SACM1L: variants seen among roughly 807,000 people sequenced by gnomAD.
The protein encoded by SACM1L is SAC1 like phosphatidylinositide phosphatase, also known as phosphatidylinositol-3-phosphatase SAC1.
Under a neutral mutation model 89.5 loss-of-function variants are expected in SACM1L, and 32 were observed. The observed-to-expected ratio is 0.36, with a 90% CI of 0.27 to 0.48. The LOEUF is 0.48. Among genes scored for constraint, SACM1L ranks in the 20% least tolerant of loss-of-function variants. The probability of loss-of-function intolerance (pLI) is 0.99; values close to 1 mark genes in which losing one functional copy is unlikely to be tolerated. For synonymous variants in SACM1L, 213 were observed against 232.8 expected, an observed-to-expected ratio of 0.92 and a Z score of 0.77; for missense variants, 543 against 708.5, an observed-to-expected ratio of 0.77 and a Z score of 2.65.
intron 7 of SACM1L, among the ~76,000 whole-genome samples, chr3:45,714,436 A>C (rs2125692821): frequency 6.6e-6 from 1 of 152,310 alleles, no homozygotes; most frequent in East Asian, 1.9e-4. Flanking sequence ...CATAATTTAA[A>C]AAGTTAGACT....
chr3:45,735,834 A>G (rs1003761951), intron 14 of SACM1L, among the ~76,000 whole-genome samples: 2 of 152,182 alleles, frequency 1.3e-5, no homozygotes, highest in East Asian at 1.9e-4. Context: ...AATCCATTTC[A>G]TTGAACTCTT....
At chr3:45,705,095 T>G (rs1447322606) in intron 2 of SACM1L, 40 bp from the exon 3 acceptor site, 4 of 1,368,250 alleles carry the variant, frequency 2.9e-6, no homozygotes, top group Non-Finnish European at 3.1e-6. Context: ...GTTGGTGAGC[T>G]TTTTGTATGT....
chr3:45,718,214 C>T (rs1236251936), intron 7 of SACM1L, among the ~76,000 whole-genome samples: 1 of 151,530 alleles, frequency 6.6e-6, no homozygotes, highest in Non-Finnish European at 1.5e-5. Context: ...ACAGCCATAG[C>T]AGCAGCAAAT....
In SACM1L at chr3:45,722,015, G is replaced by T; in HGVS notation, c.695G>T (p.Gly232Val). 1 of 1,610,976 alleles carries T rather than the reference G, an allele frequency of 6.2e-7. No homozygotes were observed. ...TTCTATTTAGGAATTGATTCGGAAG[G>T]CCATGCAGCTAACTTTGTAGAAACA... The part of the protein sequence containing the change: ...RYYVRGIDSE[G>V]HAANFVETEQ... Residue 232 changes from glycine to valine, a missense_variant, in exon 9 of 20, where the codon GGC (glycine) becomes GTC (valine). By Grantham distance (109) the Gly-to-Val change is moderately radical. Transcript: ENST00000389061.
chr3:45,706,694 C>A, intron 3 of SACM1L, 86 bp from the exon 4 acceptor site: 1 of 1,177,690 alleles, frequency 8.5e-7, no homozygotes, highest in Non-Finnish European at 1.2e-6. Context: ...TTCTACTAGC[C>A]TTTAAAGTTA....
At chr3:45,697,794 G>A (rs1480924138) in intron 1 of SACM1L, among the ~76,000 whole-genome samples, 3 of 152,156 alleles carry the variant, frequency 2.0e-5, no homozygotes, top group Non-Finnish European at 4.4e-5. Context: ...TTCAGTTAGA[G>A]TTAATAGTGA....
intron 7 of SACM1L, among the ~76,000 whole-genome samples, chr3:45,716,156 T>C (rs540587291): frequency 1.1e-4 from 17 of 152,208 alleles, no homozygotes; most frequent in Non-Finnish European, 2.1e-4. Flanking sequence ...TTATAAGCCA[T>C]GGGAAGAACT....
chr3:45,725,631 C>A (rs1396016318), intron 11 of SACM1L, among the ~76,000 whole-genome samples: 1 of 149,968 alleles, frequency 6.7e-6, no homozygotes, highest in South Asian at 2.1e-4. Context: ...TATATAAGAT[C>A]GTGTCACCTG....
chr3:45,702,556 G>A (rs1325668320), intron 1 of SACM1L, among the ~76,000 whole-genome samples: 1 of 152,182 alleles, frequency 6.6e-6, no homozygotes, highest in African/African-American at 2.4e-5. Flanking sequence ...CCTTAAAACA[G>A]CAGTCTCCAT....
Position 45,703,473 on chromosome 3 carries a change from G to C in SACM1L, c.68G>C (p.Cys23Ser). The C allele has an allele frequency of 6.2e-7, 1 of 1,613,212 alleles. No homozygotes were observed. The highest frequency in any genetic ancestry group is 8.5e-7 in the Non-Finnish European group (1 of 1,179,336). The change falls in exon 2 of 20, where the codon TGT becomes TCT. Residue 23 changes from cysteine (C) to serine (S), a missense_variant. Cys to Ser is a moderately radical substitution (Grantham distance 112). This residue lies in a region of SACM1L where 173 missense variants were observed against 180.9 expected (regional missense o/e 0.96). Transcript: ENST00000389061. ...ITPEKFYVEA[C>S]DDGADDVLTI... ...CCTGAAAAATTTTATGTGGAAGCTT[G>C]TGATGATGGAGCAGATGACGTACTT...
chr3:45,721,276 CTT>C (rs770361273), intron 8 of SACM1L, among the ~76,000 whole-genome samples: 1 of 152,230 alleles, frequency 6.6e-6, no homozygotes, highest in Non-Finnish European at 1.5e-5. Flanking sequence ...AATCCCAGCA[CTT>C]TGGGAGGCCG....
In SACM1L at chr3:45,731,832, C is replaced by A. The variant is rs564570395; in HGVS notation, c.1002-221C>A. Among the ~76,000 whole-genome samples, 3 of 152,184 alleles carry A rather than the reference C, an allele frequency of 2.0e-5. 1 individual carries two copies. The South Asian group carries it at 6.2e-4, about 32-fold the overall frequency. On this transcript the variant is annotated intron_variant, in intron 12 of 19. Transcript: ENST00000389061. ...TTTTCATGTTTATATCTGCACATATCATATATATATTTTTTCCTCTGCTAG... is the reference window on the plus strand; with the variant it reads ...TTTTCATGTTTATATCTGCACATATAATATATATATTTTTTCCTCTGCTAG...
Position 45,722,911 on chromosome 3 carries a change from C to T in SACM1L, c.808C>T (p.Leu270Phe). The T allele has an allele frequency of 1.2e-6, 2 of 1,613,818 alleles. No homozygotes were observed. The highest frequency in any genetic ancestry group is 1.7e-6 in the Non-Finnish European group (2 of 1,179,826). ...IPVFWSQRPN[L>F]KYKPLPQISK... ...TGTTTTCTGGTCCCAAAGACCAAAC[C>T]TCAAGTACAAACCACTGCCACAGAT... Residue 270 changes from leucine to phenylalanine, a missense_variant, in exon 10 of 20, where the codon CTC (leucine) becomes TTC (phenylalanine). Leu to Phe is a conservative substitution (Grantham distance 22, BLOSUM62 0). Transcript: ENST00000389061.
In SACM1L at chr3:45,732,068, C is replaced by T. The variant is rs1322056734; in HGVS notation, c.1017C>T (p.Asp339=). Residue 339 remains aspartate, a synonymous_variant, in exon 13 of 20, where the codon GAC becomes GAT. Coordinates refer to ENST00000389061, the MANE Select transcript of SACM1L (RefSeq NM_014016.5). ...GSGMMRYIAF[D]FHKECKNMRW... is the part of the protein sequence containing the mutation. ...CTTTTGGTAGATACATTGCCTTTGACTTCCATAAGGAATGTAAAAATATGA... is the reference window on the plus strand; with the variant it reads ...CTTTTGGTAGATACATTGCCTTTGATTTCCATAAGGAATGTAAAAATATGA... The T allele has an allele frequency of 6.3e-7, 1 of 1,588,694 alleles. No homozygotes were observed. The highest frequency in any genetic ancestry group is 2.3e-5 in the East Asian group (1 of 44,186).
rs1191158495 is a variant in SACM1L, at chr3:45,738,617, C to G, written c.1422C>G (p.Gly474=). ...KRTHLGLIMD[G]WNSMIRYYKN... ...CTCATTTGGGACTTATAATGGATGGCTGGAACTCAATGATACGATATTATA... is the reference window on the plus strand; with the variant it reads ...CTCATTTGGGACTTATAATGGATGGGTGGAACTCAATGATACGATATTATA... The change falls in exon 17 of 20, where the codon GGC becomes GGG. Residue 474 remains glycine, a synonymous_variant. Coordinates refer to ENST00000389061, the MANE Select transcript of SACM1L (RefSeq NM_014016.5). 1 of 1,613,066 alleles carries G rather than the reference C, an allele frequency of 6.2e-7. No homozygotes were observed. Among genetic ancestry groups the G allele is most frequent in the Admixed American group, 1.7e-5 (1 of 60,018 alleles).
chr3:45,714,230 C>G (rs1348787441), intron 7 of SACM1L, 151 bp downstream of exon 7: 1 of 290,030 alleles, frequency 3.4e-6, no homozygotes, highest in Admixed American at 9.0e-5. Flanking sequence ...AAACTCATTG[C>G]TATTTTGTTT....
chr3:45,692,320 T>G (rs1414849929), intron 1 of SACM1L, among the ~76,000 whole-genome samples: 3 of 150,562 alleles, frequency 2.0e-5, no homozygotes, highest in African/African-American at 7.3e-5. Context: ...AAGAGAGTTT[T>G]TTTTTTTTTT....
chr3:45,703,485 C>T lies in SACM1L; in HGVS notation c.80C>T (p.Ala27Val), dbSNP rs1473795714. The T allele has an allele frequency of 6.2e-7, 1 of 1,613,220 alleles. No individual in the cohort carries two copies. The highest frequency in any genetic ancestry group is 1.7e-5 in the Admixed American group (1 of 59,996). ...TATGTGGAAGCTTGTGATGATGGAGCAGATGACGTACTTACCATTGACCGT... is the reference window on the plus strand; with the variant it reads ...TATGTGGAAGCTTGTGATGATGGAGTAGATGACGTACTTACCATTGACCGT... ...KFYVEACDDG[A>V]DDVLTIDRVS... is the part of the protein sequence containing the mutation. The change falls in exon 2 of 20, where the codon GCA (alanine) becomes GTA (valine). Residue 27 changes from alanine (A) to valine (V), a missense_variant. Ala to Val is a moderately conservative substitution (Grantham distance 64). Around this residue, in one of 2 missense-constraint regions of SACM1L, gnomAD observed 173 missense variants for 180.9 expected, o/e 0.96. Coordinates refer to ENST00000389061, the MANE Select transcript of SACM1L (RefSeq NM_014016.5).
chr3:45,720,956 C>T (rs1698774984), intron 8 of SACM1L, among the ~76,000 whole-genome samples: 1 of 152,302 alleles, frequency 6.6e-6, no homozygotes, highest in African/African-American at 2.4e-5. Context: ...TAATTTGGGT[C>T]AGGGACTAGC....
Sources: gnomAD v4.1 joint callset for allele counts (sites outside exome capture counted in the v4.1 genomes callset) on GRCh38, gnomAD v4.1.1 for gene constraint, gnomAD v4.1.1 regional missense constraint, MANE v1.5 for transcripts, NCBI Gene and HGNC (gene_info 2026-07-23, HGNC 2026-07-21) for gene names.